Variants in MALRD1 observed in about 807,000 individuals in gnomAD.
The protein encoded by MALRD1 is MAM and LDL-receptor class A domain-containing protein 1.
A neutral mutation model predicts 242.1 loss-of-function variants in MALRD1; 247 were observed. That is an observed-to-expected ratio of 1.02 (90% confidence interval 0.92 to 1.13). The LOEUF (loss-of-function observed/expected upper bound fraction) is 1.13. MALRD1 is among the 50% of genes most tolerant of loss of function. The pLI, the probability that MALRD1 is intolerant of heterozygous loss-of-function variation, is 0.00. For synonymous variants in MALRD1, 995 were observed against 866.6 expected (o/e 1.15, Z -2.60); for missense variants, 2,989 against 2,533.1 (o/e 1.18, Z -3.86).
chr10:19,594,903 G>C (rs1371788753), intron 33 of MALRD1, among the ~76,000 whole-genome samples: 1 of 151,782 alleles, frequency 6.6e-6, no homozygotes, highest in Non-Finnish European at 1.5e-5. Flanking sequence ...TCAGGTGATG[G>C]GTGCACAAAA....
At chr10:19,464,802 G>T (rs1448471185) in intron 29 of MALRD1, among the ~76,000 whole-genome samples, 2 of 152,098 alleles carry the variant, frequency 1.3e-5, no homozygotes, top group African/African-American at 4.8e-5. Flanking sequence ...CTTTTGGCAG[G>T]ATGGTCATTT....
chr10:19,182,048 C>T (rs1368690093), intron 14 of MALRD1, among the ~76,000 whole-genome samples: 1 of 151,792 alleles, frequency 6.6e-6, no homozygotes, highest in African/African-American at 2.4e-5. Context: ...TATTATTATA[C>T]TTTAGGAATT....
Position 19,280,169 on chromosome 10 carries a change from C to G in MALRD1, c.3202C>G (p.Gln1068Glu). The G allele has an allele frequency of 6.5e-7, 1 of 1,542,378 alleles. No homozygotes were observed. Among genetic ancestry groups the G allele is most frequent in the South Asian group, 1.2e-5 (1 of 82,432 alleles). ...RSDGHCIEKM[Q>E]KCDFKYDCPD... The stretch of plus-strand genomic sequence containing the variant: ...TGATGGTCACTGCATTGAAAAAATG[C>G]AGAAATGTGATTTTAAATATGACTG... Residue 1068 changes from glutamine (Q) to glutamate (E), a missense_variant, in exon 20 of 40, where the codon CAG becomes GAG. Transcript: ENST00000454679.
At chr10:19,600,148 C>T (rs1838284974) in intron 34 of MALRD1, among the ~76,000 whole-genome samples, 2 of 152,112 alleles carry the variant, frequency 1.3e-5, no homozygotes, top group Non-Finnish European at 2.9e-5. Flanking sequence ...ATTCCTAAGA[C>T]TTGTAGATCC....
chr10:19,544,482 C>G (rs1425723753), intron 32 of MALRD1, among the ~76,000 whole-genome samples: 2 of 152,062 alleles, frequency 1.3e-5, no homozygotes, highest in Non-Finnish European at 2.9e-5. Flanking sequence ...GTCACCACAC[C>G]AGGCCTACTT....
At chr10:19,307,455 T>G (rs746270026) in intron 21 of MALRD1, among the ~76,000 whole-genome samples, 12 of 151,522 alleles carry the variant, frequency 7.9e-5, no homozygotes, top group Non-Finnish European at 1.5e-4. Flanking sequence ...CTTTTTAGCT[T>G]GAGAGATGTG....
In MALRD1 at chr10:19,389,625, G is replaced by C. The variant is rs1286631976; in HGVS notation, c.4845+16G>C. The C allele has an allele frequency of 9.1e-6, 14 of 1,546,458 alleles. No individual in the cohort carries two copies. The highest frequency in any genetic ancestry group is 1.2e-5 in the Non-Finnish European group (14 of 1,145,116). On this transcript the variant is annotated intron_variant, in intron 28 of 39. Coordinates refer to ENST00000454679, the MANE Select transcript of MALRD1 (RefSeq NM_001142308.3). ...TCTCATCAAGGTAGGAACATGGCCT[G>C]TGATGCCTCTGAGCTTGTTTTGTTC...
chr10:19,163,356 G>A (rs573839646), intron 12 of MALRD1, among the ~76,000 whole-genome samples: 3 of 152,060 alleles, frequency 2.0e-5, no homozygotes, highest in African/African-American at 7.2e-5. Flanking sequence ...TTGTGGGAAC[G>A]TGGATGGAGC....
At chr10:19,645,637 C>T (rs1269371735) in intron 36 of MALRD1, among the ~76,000 whole-genome samples, 1 of 151,976 alleles carries the variant, frequency 6.6e-6, no homozygotes, top group Admixed American at 6.6e-5. Flanking sequence ...GACTAAAAAC[C>T]AAACACCACA....
intron 33 of MALRD1, among the ~76,000 whole-genome samples, chr10:19,579,554 A>G (rs973049838): frequency 1.3e-5 from 2 of 152,186 alleles, no homozygotes; most frequent in East Asian, 3.8e-4. Context: ...CTTTCCACTC[A>G]TAGGACCGAT....
intron 29 of MALRD1, 56 bp from the exon 30 acceptor site, chr10:19,491,461 C>A: frequency 1.3e-6 from 2 of 1,527,194 alleles, no homozygotes; most frequent in Non-Finnish European, 1.8e-6. Flanking sequence ...CAGGAATCTT[C>A]AAGTCTAATG....
At chr10:19,592,728 GACAC>G (rs71949886) in intron 33 of MALRD1, among the ~76,000 whole-genome samples, 6,434 of 123,790 alleles carry the variant, frequency 0.052, 348 homozygotes, top group African/African-American at 0.14. Context: ...AAAATATAAA[GACAC>G]ACACACACAC....
intron 35 of MALRD1, 57 bp downstream of exon 35, chr10:19,607,959 C>T (rs1047198264): frequency 1.3e-6 from 2 of 1,524,544 alleles, no homozygotes; most frequent in Non-Finnish European, 1.8e-6. Context: ...TAACCTGCAA[C>T]ACAATGAAAA....
intron 18 of MALRD1, among the ~76,000 whole-genome samples, chr10:19,237,711 T>TATA (rs1554817383): frequency 4.1e-5 from 5 of 122,224 alleles, no homozygotes; most frequent in African/African-American, 1.6e-4. Flanking sequence ...ATTATATATA[T>TATA]ATTTATATAT....
chr10:19,588,164 A>T (rs1395819903), intron 33 of MALRD1, among the ~76,000 whole-genome samples: 4 of 152,080 alleles, frequency 2.6e-5, no homozygotes, highest in Admixed American at 2.0e-4. Flanking sequence ...TTTTTTAAAG[A>T]CCTTTCCAAT....
rs564412427 is a variant in MALRD1, at chr10:19,382,414, A to G, written c.4442-5114A>G. Among the ~76,000 whole-genome samples, 10 of 152,176 alleles carry G rather than the reference A, an allele frequency of 6.6e-5. No homozygotes were observed. In the East Asian group the frequency reaches 1.5e-3, roughly 24 times the overall value. ...AGAAATGGAGAGAAATGGACATAGTAAAAGGAACGTTGGCATAAAAGTTAG... is the reference window on the plus strand; with the variant it reads ...AGAAATGGAGAGAAATGGACATAGTGAAAGGAACGTTGGCATAAAAGTTAG... On this transcript the variant is annotated intron_variant, in intron 26 of 39. Transcript: ENST00000454679.
At chr10:19,187,605 C>T (rs1835795947) in intron 14 of MALRD1, among the ~76,000 whole-genome samples, 1 of 152,060 alleles carries the variant, frequency 6.6e-6, no homozygotes, top group Admixed American at 6.6e-5. Context: ...GAGCAGCCCA[C>T]CTAGAGCAAT....
chr10:19,670,898 A>C (rs975487082), intron 36 of MALRD1, among the ~76,000 whole-genome samples: 10 of 123,938 alleles, frequency 8.1e-5, no homozygotes, highest in African/African-American at 3.1e-4. Context: ...TTTTTTTTTG[A>C]GATGGAGTCT....
At chr10:19,080,134 G>A (rs1267080295) in intron 2 of MALRD1, among the ~76,000 whole-genome samples, 3 of 151,948 alleles carry the variant, frequency 2.0e-5, no homozygotes, top group Non-Finnish European at 4.4e-5. Flanking sequence ...CAAAGAAATG[G>A]AAAAACATTC....
Sources: allele counts gnomAD v4.1 joint callset (sites outside exome capture counted in the v4.1 genomes callset), GRCh38; gene constraint gnomAD v4.1.1; transcripts MANE v1.5; gene names NCBI Gene and HGNC (gene_info 2026-07-23, HGNC 2026-07-21).